The following LRRC4C variants were observed in gnomAD, a reference collection of about 807,000 sequenced individuals.
LRRC4C encodes leucine rich repeat containing 4C, also known as leucine-rich repeat-containing protein 4C.
Under a neutral mutation model 33.6 loss-of-function variants are expected in LRRC4C, and 5 were observed. The observed-to-expected ratio is 0.15, with a 90% CI of 0.08 to 0.31. LRRC4C has a LOEUF of 0.31. Among genes scored for constraint, LRRC4C ranks in the 10% least tolerant of loss-of-function variants. The probability of loss-of-function intolerance (pLI) is 1.00; values close to 1 mark genes in which losing one functional copy is unlikely to be tolerated. For synonymous variants in LRRC4C, 329 were observed against 302.0 expected, an observed-to-expected ratio of 1.09 and a Z score of -0.93; for missense variants, 560 against 796.7, an observed-to-expected ratio of 0.70 and a Z score of 3.58.
chr11:41,363,775 C>A (rs1952438491), intron 1 of LRRC4C, among the ~76,000 whole-genome samples: 1 of 152,250 alleles, frequency 6.6e-6, no homozygotes, highest in Non-Finnish European at 1.5e-5. Context: ...GTCCCATTCA[C>A]CCCCGCCAAC....
chr11:40,802,450 C>A (rs1459387612), intron 2 of LRRC4C, among the ~76,000 whole-genome samples: 3 of 150,142 alleles, frequency 2.0e-5, no homozygotes, highest in East Asian at 2.0e-4. Context: ...CTGCTGAAAC[C>A]AGAGCATTTA....
chr11:40,277,836 C>T (rs934105488), intron 4 of LRRC4C, among the ~76,000 whole-genome samples: 3 of 152,060 alleles, frequency 2.0e-5, no homozygotes, highest in Non-Finnish European at 4.4e-5. Flanking sequence ...TAAATGTTAC[C>T]TATCGCTGAT....
chr11:41,146,799 C>T (rs765292710), intron 1 of LRRC4C, among the ~76,000 whole-genome samples: 1 of 152,186 alleles, frequency 6.6e-6, no homozygotes, highest in African/African-American at 2.4e-5. Flanking sequence ...GCATTACATG[C>T]CAATCTACTA....
At chr11:40,528,725 T>G (rs2135290575) in intron 3 of LRRC4C, among the ~76,000 whole-genome samples, 1 of 152,108 alleles carries the variant, frequency 6.6e-6, no homozygotes, top group South Asian at 2.1e-4. Context: ...AATAGCCAAC[T>G]TAAGGGAAAA....
At chr11:41,316,530 A>AT (rs1379288795) in intron 1 of LRRC4C, among the ~76,000 whole-genome samples, 1 of 152,152 alleles carries the variant, frequency 6.6e-6, no homozygotes, top group Non-Finnish European at 1.5e-5. Context: ...CAAAAAGTTT[A>AT]TTTTAAGCAT....
intron 5 of LRRC4C, among the ~76,000 whole-genome samples, chr11:40,203,398 TAAAC>T (rs749879734): frequency 5.6e-4 from 86 of 152,310 alleles, no homozygotes; most frequent in South Asian, 2.1e-3. Context: ...TCAAAACTCT[TAAAC>T]AAGCATAAAA....
chr11:41,207,915 G>A (rs553154474), intron 1 of LRRC4C, among the ~76,000 whole-genome samples: 2 of 152,120 alleles, frequency 1.3e-5, no homozygotes, highest in African/African-American at 4.8e-5. Context: ...GACCCTGGGT[G>A]GGGGGTAAAA....
rs544033920 is a variant in LRRC4C at position 41,061,943 on chromosome 11, G to A, written c.-495-128220C>T. Among the ~76,000 whole-genome samples the A allele has an allele frequency of 3.9e-5, 6 of 152,288 alleles. No individual in the cohort carries two copies. The South Asian group carries it at 1.2e-3, about 32-fold the overall frequency. Reference sequence around the variant, plus strand: ...CACATAGAAAGCAGTGTGAGGTGAGGTGCATCCACTGCTCAATTGGCTGCT... The same window carrying A: ...CACATAGAAAGCAGTGTGAGGTGAGATGCATCCACTGCTCAATTGGCTGCT... On this transcript the variant is annotated intron_variant, in intron 1 of 6. Transcript: ENST00000528697.
intron 3 of LRRC4C, among the ~76,000 whole-genome samples, chr11:40,458,619 A>G (rs1222044984): frequency 6.6e-6 from 1 of 152,150 alleles, no homozygotes; most frequent in Non-Finnish European, 1.5e-5. Flanking sequence ...TTCTCAGGTT[A>G]GTATTTGATG....
chr11:41,128,017 T>C (rs942436223), intron 1 of LRRC4C, among the ~76,000 whole-genome samples: 2 of 152,128 alleles, frequency 1.3e-5, no homozygotes, highest in African/African-American at 4.8e-5. Flanking sequence ...CTTTAATTCT[T>C]CTATCAAAAA....
At position 40,204,358 on chromosome 11, in the gene LRRC4C, G is replaced by C. The variant is rs111607536; in HGVS notation, c.-96+37161C>G. On this transcript the variant is annotated intron_variant, in intron 5 of 6. Coordinates refer to ENST00000528697, the MANE Select transcript of LRRC4C (RefSeq NM_001258419.2). ...CTTCAGCTTGCCTAAGCCTTAAGCA[G>C]GCTTCTTCCTGACTCTAGGTCCCTA... 2.3e-3 allele frequency among the ~76,000 whole-genome samples: 345 copies of C among 152,186 alleles called. 2 individuals carry two copies. The highest frequency in any genetic ancestry group is 8.1e-3 in the African/African-American group (335 of 41,524).
chr11:41,378,223 G>T (rs1238504779), intron 1 of LRRC4C, among the ~76,000 whole-genome samples: 1 of 152,072 alleles, frequency 6.6e-6, no homozygotes, highest in African/African-American at 2.4e-5. Flanking sequence ...AAGAGAAACA[G>T]ATGCAGCATT....
intron 1 of LRRC4C, among the ~76,000 whole-genome samples, chr11:41,147,841 A>G (rs1479561839): frequency 6.6e-6 from 1 of 152,076 alleles, no homozygotes; most frequent in Non-Finnish European, 1.5e-5. Flanking sequence ...TGTAATCCCA[A>G]TACTTTGGGA....
At chr11:40,717,776 A>G (rs181253154) in intron 2 of LRRC4C, among the ~76,000 whole-genome samples, 1 of 152,312 alleles carries the variant, frequency 6.6e-6, no homozygotes, top group East Asian at 1.9e-4. Context: ...CAGGGGGAAT[A>G]TTAAATCAAA....
intron 5 of LRRC4C, among the ~76,000 whole-genome samples, chr11:40,231,802 T>C (rs1865218231): frequency 6.6e-6 from 1 of 152,222 alleles, no homozygotes; most frequent in South Asian, 2.1e-4. Flanking sequence ...ATAGAACATA[T>C]TTGCATGCAC....
At chr11:40,340,573 T>C (rs574084503) in intron 3 of LRRC4C, among the ~76,000 whole-genome samples, 1 of 152,296 alleles carries the variant, frequency 6.6e-6, no homozygotes, top group South Asian at 2.1e-4. Flanking sequence ...ATAACCTTTA[T>C]CAATGGCTGT....
chr11:40,961,844 T>G (rs1460373359), intron 1 of LRRC4C, among the ~76,000 whole-genome samples: 2 of 151,670 alleles, frequency 1.3e-5, no homozygotes, highest in Non-Finnish European at 1.5e-5. Flanking sequence ...TAAAAAAACC[T>G]TTGAGAAACC....
At chr11:40,206,239 C>T (rs1863139048) in intron 5 of LRRC4C, among the ~76,000 whole-genome samples, 1 of 151,684 alleles carries the variant, frequency 6.6e-6, no homozygotes, top group African/African-American at 2.4e-5. Context: ...TTCCATTTTT[C>T]TTTTTTTTCT....
chr11:40,254,363 C>T (rs1389043948), intron 4 of LRRC4C, among the ~76,000 whole-genome samples: 1 of 152,054 alleles, frequency 6.6e-6, no homozygotes, highest in Non-Finnish European at 1.5e-5. Flanking sequence ...ATGGTGATGC[C>T]ATAGATTGTG....
Sources: gnomAD v4.1 joint callset for allele counts (sites outside exome capture counted in the v4.1 genomes callset) on GRCh38, gnomAD v4.1.1 for gene constraint, MANE v1.5 for transcripts, NCBI Gene and HGNC (gene_info 2026-07-23, HGNC 2026-07-21) for gene names.